TPO: variants seen among roughly 807,000 people sequenced by gnomAD.
The protein encoded by TPO is thyroid peroxidase, also known as thyroid microsomal antigen.
TPO carries 78 observed loss-of-function variants against 96.9 expected under a neutral mutation model. That is an observed-to-expected ratio of 0.81 (90% CI 0.67 to 0.97). The LOEUF (loss-of-function observed/expected upper bound fraction) is 0.97, where lower values mean the gene tolerates loss of function less well. TPO is among the 50% of genes least tolerant of loss of function. The pLI, the probability that TPO is intolerant of heterozygous loss-of-function variation, is 0.00. For missense variants in TPO, 1,252 were observed against 1,274.8 expected (o/e 0.98, Z 0.27); for synonymous variants, 547 against 538.0 (o/e 1.02, Z -0.23).
chr2:1,531,479 AT>A (rs1678231613), intron 15 of TPO, among the ~76,000 whole-genome samples: 2 of 69,044 alleles, frequency 2.9e-5, no homozygotes, highest in Admixed American at 1.5e-4. Flanking sequence ...GCCTCCCCAA[AT>A]CCTCCCGACT....
In TPO at chr2:1,496,052, CCT is replaced by C. The variant is rs1672300338; in HGVS notation, c.2071_2072del (p.Leu691ValfsTer6). 1.9e-6 allele frequency: 3 copies of C among 1,613,926 alleles called. No individual in the cohort carries two copies. Among genetic ancestry groups the C allele is most frequent in the Non-Finnish European group, 2.5e-6 (3 of 1,180,018 alleles). ...AQRRELEKHS[L>X]SRVICDNTGL... ...AGAGGCGTGAGCTGGAGAAGCACTC[CCT>C]GTCTCGGGTCATCTGTGACAACACT... On this transcript the variant is annotated frameshift_variant, in exon 12 of 17. Coordinates refer to ENST00000329066, the MANE Select transcript of TPO (RefSeq NM_001206744.2). LOFTEE classifies it high-confidence loss of function.
chr2:1,520,342 T>C (rs1356444711), intron 15 of TPO, among the ~76,000 whole-genome samples: 2 of 152,028 alleles, frequency 1.3e-5, no homozygotes, highest in Non-Finnish European at 2.9e-5. Flanking sequence ...GGCATTATTG[T>C]GCGGTGAGGA....
chr2:1,497,414 C>T (rs775301263), intron 13 of TPO, among the ~76,000 whole-genome samples: 3 of 152,154 alleles, frequency 2.0e-5, no homozygotes, highest in Non-Finnish European at 2.9e-5. Context: ...GGGGGAGAGC[C>T]GTGTACTGGG....
intron 13 of TPO, among the ~76,000 whole-genome samples, chr2:1,500,161 A>C (rs1672733076): frequency 6.6e-6 from 1 of 152,228 alleles, no homozygotes; most frequent in African/African-American, 2.4e-5. Context: ...CCACAGGCAC[A>C]CACATCACTT....
intron 2 of TPO, among the ~76,000 whole-genome samples, chr2:1,419,855 C>T (rs1439272298): frequency 6.6e-6 from 1 of 152,182 alleles, no homozygotes; most frequent in African/African-American, 2.4e-5. Context: ...GTGAGTTTTC[C>T]TCCTGTGACT....
intron 14 of TPO, among the ~76,000 whole-genome samples, chr2:1,516,681 T>TC (rs1302148899): frequency 1.3e-5 from 2 of 152,186 alleles, no homozygotes; most frequent in African/African-American, 4.8e-5. Flanking sequence ...CTGCTGGCTC[T>TC]CCCCACACAC....
chr2:1,440,451 T>C (rs1666054260), intron 5 of TPO, among the ~76,000 whole-genome samples: 1 of 152,244 alleles, frequency 6.6e-6, no homozygotes. Flanking sequence ...TAACAAGTAG[T>C]GGAAAAGAAT....
intron 1 of TPO, among the ~76,000 whole-genome samples, chr2:1,406,773 A>G (rs1039270242): frequency 2.0e-5 from 3 of 152,228 alleles, no homozygotes; most frequent in Admixed American, 2.0e-4. Context: ...TGCCATTAGC[A>G]AGTGGAAGGT....
intron 13 of TPO, 137 bp downstream of exon 13, chr2:1,496,902 G>A (rs1167548842): frequency 7.5e-6 from 10 of 1,325,150 alleles, no homozygotes; most frequent in Non-Finnish European, 9.4e-6. Flanking sequence ...TCTGGGGATA[G>A]AAAGCAAGGG....
At chr2:1,376,866 A>G (rs146060034) in intron 1 of TPO, among the ~76,000 whole-genome samples, 2 of 152,374 alleles carry the variant, frequency 1.3e-5, no homozygotes, top group East Asian at 1.9e-4. Flanking sequence ...GACCAAATTC[A>G]TATATCTAAA....
At chr2:1,511,654 C>T (rs1674143696) in intron 14 of TPO, among the ~76,000 whole-genome samples, 1 of 152,228 alleles carries the variant, frequency 6.6e-6, no homozygotes, top group Non-Finnish European at 1.5e-5. Context: ...CACCTTCTCC[C>T]CATGTCCTCC....
chr2:1,448,601 C>T (rs1038924029), intron 5 of TPO, among the ~76,000 whole-genome samples: 1 of 152,212 alleles, frequency 6.6e-6, no homozygotes, highest in Non-Finnish European at 1.5e-5. Flanking sequence ...TCCTCGGCAT[C>T]GGACCTCTTG....
At chr2:1,385,030 G>A (rs1661868898) in intron 1 of TPO, among the ~76,000 whole-genome samples, 1 of 152,210 alleles carries the variant, frequency 6.6e-6, no homozygotes, top group Non-Finnish European at 1.5e-5. Flanking sequence ...ATTTGCGTAT[G>A]TTGAACCAGC....
intron 10 of TPO, among the ~76,000 whole-genome samples, chr2:1,493,570 C>T (rs28991270): frequency 0.039 from 5,615 of 145,308 alleles, 179 homozygotes; most frequent in South Asian, 0.1. Flanking sequence ...GGCATCCGAG[C>T]TGGAATATCC....
At chr2:1,482,318 T>C (rs913624897) in intron 8 of TPO, among the ~76,000 whole-genome samples, 2 of 152,024 alleles carry the variant, frequency 1.3e-5, no homozygotes, top group East Asian at 1.9e-4. Flanking sequence ...CACTGGTGAG[T>C]TGTGAAGGCA....
At chr2:1,522,617 A>T (rs1675437607) in intron 15 of TPO, among the ~76,000 whole-genome samples, 1 of 152,018 alleles carries the variant, frequency 6.6e-6, no homozygotes, top group African/African-American at 2.4e-5. Flanking sequence ...TTCAAGCCTC[A>T]ATCTCTCCAT....
chr2:1,522,684 C>T (rs533889404), intron 15 of TPO, among the ~76,000 whole-genome samples: 33 of 152,188 alleles, frequency 2.2e-4, no homozygotes, highest in African/African-American at 5.3e-4. Context: ...TCTGACACAT[C>T]GCAAAGGCTA....
At position 1,379,716 on chromosome 2, in the gene TPO, C is replaced by T. The variant is rs183448098; in HGVS notation, n.180+5314C>T. Among the ~76,000 whole-genome samples the T allele has an allele frequency of 5.9e-4, 90 of 152,270 alleles. 1 individual carries two copies. The South Asian group carries it at 0.01, about 18-fold the overall frequency. ...CAGGCTCCCTCCTCCTGGCAGGACACGGCTGTTCACACATGTCATAATATT... is the reference window on the plus strand; with the variant it reads ...CAGGCTCCCTCCTCCTGGCAGGACATGGCTGTTCACACATGTCATAATATT... On this transcript the variant is annotated intron_variant and non_coding_transcript_variant, in intron 1 of 5. Transcript: ENST00000497517.
At position 1,477,307 on chromosome 2, in the gene TPO, A is replaced by T; in HGVS notation, c.1041A>T (p.Glu347Asp). The change falls in exon 8 of 17, where the codon GAA becomes GAT. Residue 347 changes from glutamate (E) to aspartate (D), a missense_variant. Physicochemically the swap from Glu to Asp is conservative, Grantham distance 45. Coordinates refer to ENST00000329066, the MANE Select transcript of TPO (RefSeq NM_001206744.2). ...AGCTGCGGAACTGGACCAGTGCCGA[A>T]GGGCTGCTCCGCGTCCACGCGCGCC... ...ERQLRNWTSA[E>D]GLLRVHARLR... is the part of the protein sequence containing the mutation. 2 of 1,582,236 alleles carry T rather than the reference A, an allele frequency of 1.3e-6. No individual in the cohort carries two copies. Among genetic ancestry groups the T allele is most frequent in the Non-Finnish European group, 1.7e-6 (2 of 1,165,322 alleles).
Sources: allele counts gnomAD v4.1 joint callset (sites outside exome capture counted in the v4.1 genomes callset), GRCh38; gene constraint gnomAD v4.1.1; transcripts MANE v1.5; gene names NCBI Gene and HGNC (gene_info 2026-07-23, HGNC 2026-07-21).